Variants in CCSER2 observed in about 807,000 individuals in gnomAD.
CCSER2 encodes serine-rich coiled-coil domain-containing protein 2.
Under a neutral mutation model 92.3 loss-of-function variants are expected in CCSER2, and 46 were observed. The ratio of observed to expected loss-of-function variants is 0.50; its 90% confidence interval spans 0.39 to 0.64. CCSER2 has a LOEUF of 0.64. Among genes scored for constraint, CCSER2 ranks in the 30% least tolerant of loss-of-function variants. The pLI is 0.00. For synonymous variants in CCSER2, 433 were observed against 431.4 expected, an observed-to-expected ratio of 1.00 and a Z score of -0.04; for missense variants, 1,244 against 1,238.9, an observed-to-expected ratio of 1.00 and a Z score of -0.06.
At chr10:84,375,535 G>GTT (rs5786655) in intron 3 of CCSER2, among the ~76,000 whole-genome samples, 2 of 128,762 alleles carry the variant, frequency 1.6e-5, no homozygotes, top group African/African-American at 2.9e-5. Context: ...TTGTTGGTTT[G>GTT]TTTTTTTTTT....
At chr10:84,472,918 T>G (rs937862502) in intron 8 of CCSER2, 8 of 152,174 alleles carry the variant, frequency 5.3e-5, no homozygotes, top group Non-Finnish European at 1.2e-4. Flanking sequence ...ATCCTGTACT[T>G]TGATGTCCCT....
chr10:84,388,421 C>A (rs1486577286), intron 3 of CCSER2, among the ~76,000 whole-genome samples: 1 of 152,124 alleles, frequency 6.6e-6, no homozygotes, highest in Non-Finnish European at 1.5e-5. Flanking sequence ...ATGTTATTTT[C>A]CACATTCATT....
chr10:84,375,282 A>G (rs1846265671), intron 3 of CCSER2, among the ~76,000 whole-genome samples: 1 of 152,152 alleles, frequency 6.6e-6, no homozygotes, highest in South Asian at 2.1e-4. Context: ...CAGTAGGTTT[A>G]TGTCTATTGG....
intron 9 of CCSER2, among the ~76,000 whole-genome samples, chr10:84,491,709 C>T (rs889998973): frequency 6.6e-6 from 1 of 152,146 alleles, no homozygotes; most frequent in Admixed American, 6.5e-5. Context: ...ATGCCTCGCC[C>T]TGCTTCCACT....
At chr10:84,478,925 T>G (rs1419882437) in intron 9 of CCSER2, among the ~76,000 whole-genome samples, 1 of 152,212 alleles carries the variant, frequency 6.6e-6, no homozygotes, top group African/African-American at 2.4e-5. Flanking sequence ...CTCATCTGTT[T>G]GCAGACAGTT....
chr10:84,484,527 ATTAC>A (rs1847690807), intron 9 of CCSER2, among the ~76,000 whole-genome samples: 1 of 148,816 alleles, frequency 6.7e-6, no homozygotes, highest in African/African-American at 2.5e-5. Context: ...TTCAAAGGGA[ATTAC>A]TTCTTTGCTA....
At chr10:84,456,722 A>C (rs928858302) in intron 6 of CCSER2, among the ~76,000 whole-genome samples, 1 of 152,086 alleles carries the variant, frequency 6.6e-6, no homozygotes, top group Non-Finnish European at 1.5e-5. Context: ...GAATGTAACT[A>C]TTGTTCTGCA....
chr10:84,397,613 A>G (rs1381422091), intron 3 of CCSER2, among the ~76,000 whole-genome samples: 4 of 152,224 alleles, frequency 2.6e-5, no homozygotes, highest in African/African-American at 9.6e-5. Flanking sequence ...ACCGACTGTT[A>G]TAATCAGTAT....
chr10:84,410,850 C>G (rs1842614064), intron 3 of CCSER2, among the ~76,000 whole-genome samples: 1 of 152,102 alleles, frequency 6.6e-6, no homozygotes, highest in Non-Finnish European at 1.5e-5. Context: ...AAATCTTTAC[C>G]TGAATGGTAT....
At chr10:84,355,312 C>T (rs1159444259) in intron 1 of CCSER2, among the ~76,000 whole-genome samples, 1 of 152,202 alleles carries the variant, frequency 6.6e-6, no homozygotes, top group East Asian at 1.9e-4. Flanking sequence ...CTGTTCACTA[C>T]CATTGTTCAG....
chr10:84,470,559 T>G, intron 8 of CCSER2, 101 bp downstream of exon 8: 1 of 1,031,450 alleles, frequency 9.7e-7, no homozygotes, highest in Non-Finnish European at 1.3e-6. Flanking sequence ...TATTTTTGGC[T>G]CTCAAAGTTG....
intron 3 of CCSER2, among the ~76,000 whole-genome samples, chr10:84,398,904 C>T (rs2133302185): frequency 6.6e-6 from 1 of 152,274 alleles, no homozygotes; most frequent in Non-Finnish European, 1.5e-5. Context: ...GAAGTTTCTT[C>T]TGTACAGTGC....
At chr10:84,451,629 G>A (rs568668149) in intron 6 of CCSER2, among the ~76,000 whole-genome samples, 150 of 152,200 alleles carry the variant, frequency 9.9e-4, no homozygotes, top group African/African-American at 3.5e-3. Flanking sequence ...CCTACAGGAA[G>A]GGATATCTGG....
At chr10:84,334,786 A>G (rs1330723589) in intron 1 of CCSER2, among the ~76,000 whole-genome samples, 1 of 152,198 alleles carries the variant, frequency 6.6e-6, no homozygotes, top group Admixed American at 6.5e-5. Context: ...CTGTTTTTCA[A>G]AGAGTTACTT....
At chr10:84,367,973 C>T (rs920542031) in intron 1 of CCSER2, among the ~76,000 whole-genome samples, 10 of 152,056 alleles carry the variant, frequency 6.6e-5, no homozygotes, top group African/African-American at 1.9e-4. Flanking sequence ...TTCCCATCTC[C>T]TTAGATTGCG....
intron 9 of CCSER2, among the ~76,000 whole-genome samples, chr10:84,503,576 T>G (rs1848885045): frequency 6.6e-6 from 1 of 152,230 alleles, no homozygotes; most frequent in Non-Finnish European, 1.5e-5. Context: ...AAAGCCTTCC[T>G]GGTAATTCCA....
chr10:84,493,421 C>T (rs1243278165), intron 9 of CCSER2, among the ~76,000 whole-genome samples: 1 of 152,038 alleles, frequency 6.6e-6, no homozygotes, highest in Non-Finnish European at 1.5e-5. Context: ...TCTTGATTTT[C>T]TCTGTTTTTC....
intron 3 of CCSER2, among the ~76,000 whole-genome samples, chr10:84,410,976 G>T (rs941258178): frequency 1.3e-5 from 2 of 152,152 alleles, no homozygotes; most frequent in African/African-American, 4.8e-5. Flanking sequence ...TCAATTTTCT[G>T]CGTATGACCA....
chr10:84,387,779 C>T (rs546174686), intron 3 of CCSER2, among the ~76,000 whole-genome samples: 8 of 152,152 alleles, frequency 5.3e-5, no homozygotes, highest in African/African-American at 1.7e-4. Flanking sequence ...CCGCCCACCT[C>T]GGCCTCCCAA....
Sources: allele counts gnomAD v4.1 joint callset (sites outside exome capture counted in the v4.1 genomes callset), GRCh38; gene constraint gnomAD v4.1.1; transcripts MANE v1.5; gene names NCBI Gene and HGNC (gene_info 2026-07-23, HGNC 2026-07-21).